Variants in UBA6 observed in about 807,000 individuals in gnomAD.
UBA6 encodes ubiquitin-like modifier-activating enzyme 6.
A neutral mutation model predicts 148.3 loss-of-function variants in UBA6; 87 were observed. That is an observed-to-expected ratio of 0.59 (90% CI 0.49 to 0.70). The LOEUF (loss-of-function observed/expected upper bound fraction) is 0.70. Among genes scored for constraint, UBA6 ranks in the 30% least tolerant of loss-of-function variants. The pLI is 0.00. For missense variants in UBA6, 1,186 were observed against 1,241.2 expected (o/e 0.96, Z 0.67); for synonymous variants, 376 against 401.0 (o/e 0.94, Z 0.75).
intron 19 of UBA6, among the ~76,000 whole-genome samples, chr4:67,636,595 T>A (rs1051159643): frequency 6.6e-6 from 1 of 152,212 alleles, no homozygotes; most frequent in African/African-American, 2.4e-5. Context: ...GGTTTTGCAG[T>A]GTTGGCCGGG....
chr4:67,635,847 G>T (rs559222612), intron 19 of UBA6, among the ~76,000 whole-genome samples: 2 of 143,474 alleles, frequency 1.4e-5, no homozygotes, highest in Non-Finnish European at 3.1e-5. Context: ...TTTCTTCTTT[G>T]GTTATTTTCT....
Position 67,670,610 on chromosome 4 carries a change from C to A in UBA6, c.547-18G>T, listed in dbSNP as rs1560495268. The A allele has an allele frequency of 6.3e-7, 1 of 1,586,344 alleles. No homozygotes were observed. The highest frequency in any genetic ancestry group is 8.6e-7 in the Non-Finnish European group (1 of 1,163,336). ...CTGATAAACTGTAAAATGGCAAAAA[C>A]AAGTTCAATCTTATTTATATAAAGA... On this transcript the variant is annotated intron_variant, in intron 7 of 32. Coordinates refer to ENST00000322244, the MANE Select transcript of UBA6 (RefSeq NM_018227.6).
At chr4:67,662,428 C>T in intron 12 of UBA6, 173 bp from the exon 13 acceptor site, 1 of 508,592 alleles carries the variant, frequency 2.0e-6, no homozygotes, top group Non-Finnish European at 3.5e-6. Context: ...TACATTACTT[C>T]AAAATCACAC....
chr4:67,653,811 A>G (rs1053937869), intron 13 of UBA6, among the ~76,000 whole-genome samples: 15 of 152,246 alleles, frequency 9.9e-5, no homozygotes, highest in African/African-American at 3.6e-4. Flanking sequence ...AGAATTGCTA[A>G]CTAGAATAAA....
At chr4:67,660,527 C>T (rs1473827079) in intron 13 of UBA6, among the ~76,000 whole-genome samples, 4 of 152,098 alleles carry the variant, frequency 2.6e-5, no homozygotes, top group Non-Finnish European at 5.9e-5. Context: ...TGTGGGTGCA[C>T]AGAAGTCAAG....
At chr4:67,654,286 A>C (rs1003082401) in intron 13 of UBA6, among the ~76,000 whole-genome samples, 2 of 152,224 alleles carry the variant, frequency 1.3e-5, no homozygotes, top group Non-Finnish European at 2.9e-5. Context: ...GCAGCCAGAG[A>C]GAGAGATTGG....
chr4:67,623,045 AATT>A, intron 31 of UBA6, 87 bp downstream of exon 31: 1 of 1,348,796 alleles, frequency 7.4e-7, no homozygotes, highest in Admixed American at 2.2e-5. Context: ...CATGGTAAAT[AATT>A]ATAACTTCCA....
At chr4:67,674,456 A>G (rs905467724) in intron 6 of UBA6, among the ~76,000 whole-genome samples, 3 of 152,214 alleles carry the variant, frequency 2.0e-5, no homozygotes, top group Non-Finnish European at 4.4e-5. Context: ...CCCCAAGCTC[A>G]GTGTTCTTCT....
At chr4:67,670,922 C>T (rs1334421107) in intron 7 of UBA6, among the ~76,000 whole-genome samples, 1 of 152,088 alleles carries the variant, frequency 6.6e-6, no homozygotes, top group Non-Finnish European at 1.5e-5. Flanking sequence ...ATAGATAACT[C>T]TGGCTTAATA....
chr4:67,642,087 GA>G (rs1300403314), intron 17 of UBA6, among the ~76,000 whole-genome samples: 2 of 151,086 alleles, frequency 1.3e-5, no homozygotes, highest in Admixed American at 1.3e-4. Context: ...AAATCAAACA[GA>G]AAATATCTTT....
At chr4:67,665,159 T>A (rs775624551) in intron 10 of UBA6, 30 bp downstream of exon 10, 6 of 1,387,426 alleles carry the variant, frequency 4.3e-6, no homozygotes, top group Non-Finnish European at 5.0e-6. Context: ...TGTAAAAAAA[T>A]GTTTTTTAAG....
At chr4:67,625,282 C>A (rs1015277269) in intron 28 of UBA6, 95 bp from the exon 29 acceptor site, 5 of 956,644 alleles carry the variant, frequency 5.2e-6, no homozygotes, top group Non-Finnish European at 5.9e-6. Flanking sequence ...TTCAAAGATT[C>A]CTTTTTATAT....
intron 2 of UBA6, among the ~76,000 whole-genome samples, chr4:67,695,051 T>C (rs1730800386): frequency 6.6e-6 from 1 of 152,210 alleles, no homozygotes; most frequent in Admixed American, 6.5e-5. Flanking sequence ...GTCACTGGCC[T>C]ACTGAAAATT....
chr4:67,644,808 A>G, intron 16 of UBA6, 30 bp from the exon 17 acceptor site: 2 of 1,148,586 alleles, frequency 1.7e-6, no homozygotes, highest in Non-Finnish European at 2.6e-6. Context: ...TATATATCAG[A>G]TTAAAATAAC....
At chr4:67,620,331 C>A (rs944680395) in intron 32 of UBA6, among the ~76,000 whole-genome samples, 1 of 152,124 alleles carries the variant, frequency 6.6e-6, no homozygotes, top group African/African-American at 2.4e-5. Flanking sequence ...GTTGCTTTTG[C>A]CTGGAATAAT....
intron 17 of UBA6, among the ~76,000 whole-genome samples, chr4:67,642,091 A>G (rs186011919): frequency 3.3e-5 from 5 of 152,178 alleles, no homozygotes; most frequent in African/African-American, 1.2e-4. Context: ...CAAACAGAAA[A>G]TATCTTTTAA....
Position 67,633,400 on chromosome 4 carries a change from C to A in UBA6, c.2087G>T (p.Trp696Leu). 6.2e-7 allele frequency: 1 copy of A among 1,610,738 alleles called. No homozygotes were observed. The highest frequency in any genetic ancestry group is 2.2e-5 in the East Asian group (1 of 44,646). Residue 696 changes from tryptophan to leucine, a missense_variant, in exon 23 of 33, where the codon TGG (tryptophan) becomes TTG (leucine). Physicochemically the swap from Trp to Leu is moderately conservative, Grantham distance 61. Coordinates refer to ENST00000322244, the MANE Select transcript of UBA6 (RefSeq NM_018227.6). ...TCTTGCTAATTCTACACACTGGGAC[C>A]AATTTCTAGGTCTTCTGCTAAGTAA... ...IKLLSRRPRN[W>L]SQCVELARLK...
chr4:67,696,598 G>C (rs1730845855), intron 2 of UBA6, 47 bp downstream of exon 2: 7 of 1,446,834 alleles, frequency 4.8e-6, no homozygotes, highest in East Asian at 2.3e-5. Context: ...GATTATTTGA[G>C]AACAATTAAT....
At chr4:67,699,017 GAA>G (rs1288766091) in intron 1 of UBA6, among the ~76,000 whole-genome samples, 1 of 151,928 alleles carries the variant, frequency 6.6e-6, no homozygotes, top group Non-Finnish European at 1.5e-5. Context: ...AATTTTAAAG[GAA>G]AAAAACTAAT....
Sources: allele counts gnomAD v4.1 joint callset (sites outside exome capture counted in the v4.1 genomes callset), GRCh38; gene constraint gnomAD v4.1.1; transcripts MANE v1.5; gene names NCBI Gene and HGNC (gene_info 2026-07-23, HGNC 2026-07-21).